DGKI: variants seen among roughly 807,000 people sequenced by gnomAD.
The protein encoded by DGKI is DAG kinase iota.
A neutral mutation model predicts 147.5 loss-of-function variants in DGKI; 55 were observed. The ratio of observed to expected loss-of-function variants is 0.37; its 90% CI spans 0.30 to 0.47. DGKI has a LOEUF of 0.47. DGKI is among the 20% of genes least tolerant of loss of function. The pLI is 1.00. For missense variants in DGKI, 1,007 were observed against 1,323.8 expected, an observed-to-expected ratio of 0.76 and a Z score of 3.71; for synonymous variants, 469 against 477.1, an observed-to-expected ratio of 0.98 and a Z score of 0.22.
chr7:137,831,736 C>T (rs1216740710), intron 1 of DGKI, among the ~76,000 whole-genome samples: 2 of 152,132 alleles, frequency 1.3e-5, no homozygotes, highest in Non-Finnish European at 2.9e-5. Flanking sequence ...CCCAAGAGTC[C>T]CTCCAAAGTC....
intron 28 of DGKI, among the ~76,000 whole-genome samples, chr7:137,443,500 G>A: frequency 6.6e-6 from 1 of 152,162 alleles, no homozygotes; most frequent in East Asian, 1.9e-4. Context: ...TTGGATAAAT[G>A]AACAACTCCA....
chr7:137,688,808 C>A (rs986359824), intron 2 of DGKI, among the ~76,000 whole-genome samples: 10 of 152,198 alleles, frequency 6.6e-5, no homozygotes, highest in Non-Finnish European at 1.5e-4. Flanking sequence ...AAGTAAACTC[C>A]AGGAAAGGAA....
chr7:137,424,384 C>A (rs545209544), intron 28 of DGKI, among the ~76,000 whole-genome samples: 1 of 152,174 alleles, frequency 6.6e-6, no homozygotes. Context: ...TTCATATATT[C>A]TTAAGAAAAA....
chr7:137,676,317 T>C (rs1823037111), intron 3 of DGKI, among the ~76,000 whole-genome samples: 1 of 152,256 alleles, frequency 6.6e-6, no homozygotes. Context: ...GCCTTTGTAT[T>C]CTTCAGATAT....
chr7:137,506,334 G>A (rs1816367695), intron 21 of DGKI, among the ~76,000 whole-genome samples: 1 of 152,184 alleles, frequency 6.6e-6, no homozygotes, highest in Non-Finnish European at 1.5e-5. Flanking sequence ...AGATTGCTAA[G>A]TGAAAGATGG....
chr7:137,467,965 C>G (rs1563036687), intron 24 of DGKI, among the ~76,000 whole-genome samples: 1 of 146,860 alleles, frequency 6.8e-6, no homozygotes, highest in Non-Finnish European at 1.5e-5. Context: ...GCCTGGGCAA[C>G]AGAGTCAGAC....
At chr7:137,510,412 C>T (rs140851725) in intron 21 of DGKI, among the ~76,000 whole-genome samples, 8 of 152,252 alleles carry the variant, frequency 5.3e-5, no homozygotes, top group East Asian at 3.9e-4. Context: ...AATGAATATT[C>T]GTAAAATTCT....
At chr7:137,684,803 G>A (rs1212845485) in intron 2 of DGKI, among the ~76,000 whole-genome samples, 1 of 152,194 alleles carries the variant, frequency 6.6e-6, no homozygotes, top group Non-Finnish European at 1.5e-5. Context: ...AGTGGGGAAA[G>A]ATGTGGGGCT....
chr7:137,781,702 G>A (rs533749704), intron 1 of DGKI, among the ~76,000 whole-genome samples: 70 of 152,328 alleles, frequency 4.6e-4, no homozygotes, highest in African/African-American at 1.7e-3. Flanking sequence ...TTCAGGTACT[G>A]AATTATCTGG....
chr7:137,558,693 C>T (rs1037677911), intron 19 of DGKI, among the ~76,000 whole-genome samples: 15 of 120,890 alleles, frequency 1.2e-4, no homozygotes, highest in Non-Finnish European at 4.8e-5. Context: ...AAAAATAATT[C>T]GATAAATTCA....
At chr7:137,721,663 T>A (rs188035740) in intron 1 of DGKI, among the ~76,000 whole-genome samples, 2 of 152,270 alleles carry the variant, frequency 1.3e-5, no homozygotes, top group East Asian at 3.9e-4. Context: ...CACCTAACAT[T>A]TTTGCTTAAA....
chr7:137,702,970 C>T (rs988737930), intron 1 of DGKI, among the ~76,000 whole-genome samples: 10 of 152,148 alleles, frequency 6.6e-5, no homozygotes, highest in African/African-American at 2.4e-4. Context: ...AAGCTGTACA[C>T]ATATGTTGTT....
intron 1 of DGKI, among the ~76,000 whole-genome samples, chr7:137,705,712 A>C (rs937525193): frequency 1.3e-5 from 2 of 152,200 alleles, no homozygotes; most frequent in African/African-American, 4.8e-5. Context: ...AATAAAAATT[A>C]CAAAAAAGAA....
chr7:137,646,457 C>T (rs1821827333), intron 5 of DGKI, among the ~76,000 whole-genome samples: 1 of 152,182 alleles, frequency 6.6e-6, no homozygotes, highest in African/African-American at 2.4e-5. Flanking sequence ...ACAGAAAGTC[C>T]TCTTCCTCCC....
chr7:137,844,026 C>A, intron 1 of DGKI, among the ~76,000 whole-genome samples: 1 of 152,112 alleles, frequency 6.6e-6, no homozygotes, highest in East Asian at 1.9e-4. Flanking sequence ...ACACTGTCCT[C>A]AGGTGCCCCC....
chr7:137,455,648 G>GA, intron 27 of DGKI, among the ~76,000 whole-genome samples: 1 of 115,088 alleles, frequency 8.7e-6, no homozygotes, highest in Non-Finnish European at 1.8e-5. Flanking sequence ...AAGGGGGGGG[G>GA]GCGGGGAATG....
chr7:137,782,249 G>C (rs959419703), intron 1 of DGKI, among the ~76,000 whole-genome samples: 2 of 152,118 alleles, frequency 1.3e-5, no homozygotes, highest in East Asian at 1.9e-4. Flanking sequence ...GTGCTGTCGT[G>C]GGGGCATGAT....
At chr7:137,443,730 A>C (rs73169826) in intron 28 of DGKI, among the ~76,000 whole-genome samples, 1,578 of 152,240 alleles carry the variant, frequency 0.01, 18 homozygotes, top group Non-Finnish European at 0.018. Flanking sequence ...CTACCACAAA[A>C]ATTTTTATCA....
intron 29 of DGKI, among the ~76,000 whole-genome samples, chr7:137,411,309 C>A (rs1012901181): frequency 2.0e-5 from 3 of 151,856 alleles, no homozygotes; most frequent in African/African-American, 7.3e-5. Flanking sequence ...TTAGAATATT[C>A]ATAGATGATG....
Sources: gnomAD v4.1 joint callset for allele counts (sites outside exome capture counted in the v4.1 genomes callset) on GRCh38, gnomAD v4.1.1 for gene constraint, MANE v1.5 for transcripts, NCBI Gene and HGNC (gene_info 2026-07-23, HGNC 2026-07-21) for gene names.